The following RAPGEF2 variants were observed in gnomAD, a reference collection of about 807,000 sequenced individuals.
RAPGEF2 encodes Rap guanine nucleotide exchange factor 2, also known as PDZ domain containing guanine nucleotide exchange factor (GEF) 1.
RAPGEF2 carries 54 observed loss-of-function variants against 186.7 expected under a neutral mutation model. That is an observed-to-expected ratio of 0.29 (90% CI 0.23 to 0.36). RAPGEF2 has a LOEUF of 0.36. RAPGEF2 is among the 10% of genes least tolerant of loss of function. The pLI is 1.00. For synonymous variants in RAPGEF2, 712 were observed against 705.9 expected (o/e 1.01, Z -0.14); for missense variants, 1,532 against 2,045.0 (o/e 0.75, Z 4.84).
intron 26 of RAPGEF2, 44 bp from the exon 27 acceptor site, chr4:159,352,641 T>C (rs770805488): frequency 6.8e-7 from 1 of 1,477,834 alleles, no homozygotes; most frequent in South Asian, 1.1e-5. Flanking sequence ...TTTGATGTTA[T>C]AAACCTAGAG....
intron 24 of RAPGEF2, among the ~76,000 whole-genome samples, chr4:159,345,544 G>A (rs1030703031): frequency 6.6e-6 from 1 of 152,212 alleles, no homozygotes; most frequent in African/African-American, 2.4e-5. Flanking sequence ...TGTGGAAGAT[G>A]ACACTGTCCA....
chr4:159,156,665 G>A (rs1211899052), intron 1 of RAPGEF2, among the ~76,000 whole-genome samples: 2 of 152,118 alleles, frequency 1.3e-5, no homozygotes, highest in Non-Finnish European at 2.9e-5. Context: ...ACAGGCCCCA[G>A]TGTGTGATGT....
chr4:159,305,130 G>T (rs1763128260), intron 8 of RAPGEF2, among the ~76,000 whole-genome samples: 1 of 152,170 alleles, frequency 6.6e-6, no homozygotes, highest in African/African-American at 2.4e-5. Context: ...GAATAGTGCT[G>T]CAATAAACAT....
At chr4:159,308,223 C>T (rs924569227) in intron 8 of RAPGEF2, among the ~76,000 whole-genome samples, 31 of 152,114 alleles carry the variant, frequency 2.0e-4, no homozygotes, top group African/African-American at 6.3e-4. Context: ...AGAAGAGGAT[C>T]CCTGTGCATC....
intron 1 of RAPGEF2, among the ~76,000 whole-genome samples, chr4:159,149,256 T>C (rs1247045066): frequency 6.6e-6 from 1 of 152,144 alleles, no homozygotes; most frequent in East Asian, 1.9e-4. Context: ...AGTTTTTTTG[T>C]TTATTTGTTT....
chr4:159,131,519 A>ATTGTTTTTTTTTTTTTT lies in RAPGEF2; in HGVS notation c.69+27290_69+27291insGTTTTTTTTTTTTTTTT. Among the ~76,000 whole-genome samples, 17 of 37,208 alleles carry ATTGTTTTTTTTTTTTTT rather than the reference A, an allele frequency of 4.6e-4. 2 individuals carry two copies. The highest frequency in any genetic ancestry group is 7.2e-4 in the African/African-American group (6 of 8,304). The allele number at this position is 37,208 out of a possible 152,430, so 24.4% of individuals were successfully genotyped here. A position where few individuals can be genotyped will look rare whatever the true frequency, so the allele number is the denominator to read the frequency against. On this transcript the variant is annotated intron_variant, in intron 1 of 29. Transcript: ENST00000691494. ...TGATATCTTTGTCTGATTAATTGCT[A>ATTGTTTTTTTTTTTTTT]TTTTTTTTTTTTTTTTTTTTTTTTT...
At chr4:159,204,062 A>T (rs1206747896) in intron 3 of RAPGEF2, among the ~76,000 whole-genome samples, 1 of 152,190 alleles carries the variant, frequency 6.6e-6, no homozygotes, top group African/African-American at 2.4e-5. Context: ...CATCAGAAGG[A>T]TGTCATCTGA....
At position 159,269,971 on chromosome 4, in the gene RAPGEF2, T is replaced by G. The variant is rs1353043074; in HGVS notation, c.543+26180T>G. On this transcript the variant is annotated intron_variant, in intron 7 of 29. Coordinates refer to ENST00000691494, the MANE Select transcript of RAPGEF2 (RefSeq NM_001394067.2). The stretch of plus-strand genomic sequence containing the variant: ...AGTGCCTAAACTAGAGTCCCTGATC[T>G]TATTCTGTAAGCCTGTTTGTTTCCT... Among the ~76,000 whole-genome samples, 7 of 152,362 alleles carry G rather than the reference T, an allele frequency of 4.6e-5. No individual in the cohort carries two copies. The South Asian group carries it at 1.4e-3, about 32-fold the overall frequency.
At chr4:159,337,907 A>AAAAAAAAAAAAAAAAAAC (rs1282335894) in intron 17 of RAPGEF2, among the ~76,000 whole-genome samples, 1 of 148,536 alleles carries the variant, frequency 6.7e-6, no homozygotes, top group Non-Finnish European at 1.5e-5. Flanking sequence ...AAAAAAAAAA[A>AAAAAAAAAAAAAAAAAAC]AAAAAAGAAA....
At chr4:159,162,886 AT>A (rs142884473) in intron 1 of RAPGEF2, among the ~76,000 whole-genome samples, 7 of 151,458 alleles carry the variant, frequency 4.6e-5, no homozygotes, top group African/African-American at 1.5e-4. Flanking sequence ...GTTCCTTGTA[AT>A]TTTTTTTTCC....
chr4:159,163,031 T>G (rs1744887392), intron 1 of RAPGEF2, among the ~76,000 whole-genome samples: 1 of 152,166 alleles, frequency 6.6e-6, no homozygotes, highest in African/African-American at 2.4e-5. Flanking sequence ...GAGTTAGTTA[T>G]TTCTGATGAT....
chr4:159,308,038 T>C (rs1484733087), intron 8 of RAPGEF2, among the ~76,000 whole-genome samples: 1 of 152,246 alleles, frequency 6.6e-6, no homozygotes, highest in Non-Finnish European at 1.5e-5. Flanking sequence ...TCTAGTCATA[T>C]GTGCTTTTAC....
chr4:159,282,623 G>A (rs1159423691), intron 7 of RAPGEF2: 7 of 446,438 alleles, frequency 1.6e-5, no homozygotes, highest in East Asian at 7.2e-5. Flanking sequence ...CTTTTCTAAC[G>A]AAAGAGACTA....
chr4:159,195,140 A>G (rs568832592), intron 3 of RAPGEF2, among the ~76,000 whole-genome samples: 1 of 152,356 alleles, frequency 6.6e-6, no homozygotes, highest in South Asian at 2.1e-4. Flanking sequence ...CCTACACCAA[A>G]TATAGAGTCG....
intron 1 of RAPGEF2, among the ~76,000 whole-genome samples, chr4:159,153,067 T>C (rs1743737625): frequency 6.6e-6 from 1 of 152,244 alleles, no homozygotes; most frequent in Admixed American, 6.5e-5. Context: ...TTTTTTATAT[T>C]GGTCAGTTAC....
At chr4:159,261,345 A>G (rs908987106) in intron 7 of RAPGEF2, among the ~76,000 whole-genome samples, 6 of 152,188 alleles carry the variant, frequency 3.9e-5, no homozygotes, top group African/African-American at 1.4e-4. Context: ...TACGGGCGTG[A>G]GCCACCGCAT....
intron 4 of RAPGEF2, among the ~76,000 whole-genome samples, chr4:159,238,251 T>C (rs1753535802): frequency 6.6e-6 from 1 of 152,192 alleles, no homozygotes; most frequent in South Asian, 2.1e-4. Flanking sequence ...CTTTTAGTAG[T>C]ACATCAACTG....
At chr4:159,106,532 T>C (rs1737905990) in intron 1 of RAPGEF2, among the ~76,000 whole-genome samples, 1 of 152,220 alleles carries the variant, frequency 6.6e-6, no homozygotes, top group African/African-American at 2.4e-5. Flanking sequence ...AATTTTATAA[T>C]ATTAGAAAAG....
chr4:159,198,335 T>TCTTTCTTTCTTTCTTTC (rs1749018419), intron 3 of RAPGEF2, among the ~76,000 whole-genome samples: 3 of 43,618 alleles, frequency 6.9e-5, no homozygotes, highest in Admixed American at 2.0e-4. Context: ...TCTTTCTTTC[T>TCTTTCTTTCTTTCTTTC]TTTTCTTTCT....
Sources: allele counts gnomAD v4.1 joint callset (sites outside exome capture counted in the v4.1 genomes callset), GRCh38; gene constraint gnomAD v4.1.1; transcripts MANE v1.5; gene names NCBI Gene and HGNC (gene_info 2026-07-23, HGNC 2026-07-21).